Variants in SH3GL2 observed in about 807,000 individuals in gnomAD.
SH3GL2 encodes the protein endophilin-A1.
Under a neutral mutation model 46.0 loss-of-function variants are expected in SH3GL2, and 24 were observed. The observed-to-expected ratio is 0.52, with a 90% CI of 0.38 to 0.73. The LOEUF is 0.73. SH3GL2 is among the 30% of genes least tolerant of loss of function. SH3GL2 has a pLI of 0.00. For synonymous variants in SH3GL2, 196 were observed against 147.1 expected (o/e 1.33, Z -2.40); for missense variants, 413 against 424.2 (o/e 0.97, Z 0.23).
intron 1 of SH3GL2, among the ~76,000 whole-genome samples, chr9:17,657,824 A>G (rs1820125084): frequency 6.6e-6 from 1 of 152,214 alleles, no homozygotes; most frequent in Admixed American, 6.5e-5. Context: ...TCTGGCATAC[A>G]GTAAATATTA....
At chr9:17,780,346 A>G (rs1281853990) in intron 3 of SH3GL2, among the ~76,000 whole-genome samples, 3 of 151,826 alleles carry the variant, frequency 2.0e-5, no homozygotes, top group Non-Finnish European at 4.4e-5. Context: ...TATTTGTCCT[A>G]CTTCTTTCAT....
intron 1 of SH3GL2, among the ~76,000 whole-genome samples, chr9:17,692,261 ACAATG>A (rs1821100937): frequency 2.8e-5 from 4 of 145,366 alleles, no homozygotes. Flanking sequence ...GGAGTGGTAT[ACAATG>A]GTATTCTTAT....
At chr9:17,681,675 G>C (rs117100984) in intron 1 of SH3GL2, among the ~76,000 whole-genome samples, 1 of 152,034 alleles carries the variant, frequency 6.6e-6, no homozygotes. Context: ...GCCAAAAGCA[G>C]TTGCAACAAA....
In SH3GL2 at chr9:17,675,728, C is replaced by T. The variant is rs192922757; in HGVS notation, c.46-71338C>T. ...CTGAGAGGCCGAGGCGGGAGGATCACGAGGTCAGGAGATTGAGACCATCCT... is the reference window on the plus strand; with the variant it reads ...CTGAGAGGCCGAGGCGGGAGGATCATGAGGTCAGGAGATTGAGACCATCCT... On this transcript the variant is annotated intron_variant, in intron 1 of 8. Transcript: ENST00000380607. Among the ~76,000 whole-genome samples, 6 of 152,192 alleles carry T rather than the reference C, an allele frequency of 3.9e-5. 1 individual carries two copies. The highest frequency in any genetic ancestry group is 3.9e-4 in the East Asian group (2 of 5,152).
chr9:17,628,411 GGTGTGTGTGTGTGTGTGT>G (rs3084633), intron 1 of SH3GL2, among the ~76,000 whole-genome samples: 4 of 143,772 alleles, frequency 2.8e-5, no homozygotes, highest in East Asian at 2.1e-4. Flanking sequence ...CTATATCTTG[GGTGTGTGTGTGTGTGTGT>G]GTGTGTGTGT....
Position 17,694,678 on chromosome 9 carries a change from A to G in SH3GL2, c.46-52388A>G, listed in dbSNP as rs117726934. Among the ~76,000 whole-genome samples the G allele has an allele frequency of 4.5e-3, 684 of 152,254 alleles. 10 individuals carry two copies. Among genetic ancestry groups the G allele is most frequent in the East Asian group, 0.028 (144 of 5,172 alleles). On this transcript the variant is annotated intron_variant, in intron 1 of 8. Transcript: ENST00000380607. ...GAGGGTATGAATGTTGGAAATGAAC[A>G]TATTCACCTCTAAATAAAGTGAGAG...
chr9:17,663,897 T>C (rs910216581), intron 1 of SH3GL2, among the ~76,000 whole-genome samples: 17 of 152,208 alleles, frequency 1.1e-4, no homozygotes, highest in African/African-American at 3.9e-4. Context: ...CATGAACTTA[T>C]TGTTCTTTTT....
chr9:17,653,666 T>G (rs976037850), intron 1 of SH3GL2, among the ~76,000 whole-genome samples: 2 of 152,196 alleles, frequency 1.3e-5, no homozygotes, highest in Non-Finnish European at 2.9e-5. Context: ...AAAAGGTGAT[T>G]AGGCCATGAG....
chr9:17,686,549 A>G (rs1241830096), intron 1 of SH3GL2, among the ~76,000 whole-genome samples: 6 of 148,272 alleles, frequency 4.0e-5, no homozygotes, highest in African/African-American at 4.9e-5. Context: ...CAAATGTCCA[A>G]CAATGATAGA....
intron 2 of SH3GL2, among the ~76,000 whole-genome samples, chr9:17,752,262 T>A (rs139577555): frequency 6.2e-4 from 95 of 152,278 alleles, no homozygotes; most frequent in Non-Finnish European, 1.0e-3. Context: ...ACGGTTTTCA[T>A]CATGTCTCTG....
chr9:17,579,198 C>T lies in SH3GL2; in HGVS notation c.-45C>T. ...CGCTCGGCCCTCCAGTCCCCCTCCGCCTCCTCCCTCCCGCACAGCAGCCGC... is the reference window on the plus strand; with the variant it reads ...CGCTCGGCCCTCCAGTCCCCCTCCGTCTCCTCCCTCCCGCACAGCAGCCGC... On this transcript the variant is annotated 5_prime_UTR_variant, in exon 1 of 9. Coordinates refer to ENST00000380607, the MANE Select transcript of SH3GL2 (RefSeq NM_003026.5). 6.8e-7 allele frequency: 1 copy of T among 1,465,400 alleles called. No individual in the cohort carries two copies. The highest frequency in any genetic ancestry group is 9.2e-7 in the Non-Finnish European group (1 of 1,091,380). 90.8% of individuals were successfully genotyped at this position (1,465,400 alleles called of 1,614,324 possible).
intron 3 of SH3GL2, among the ~76,000 whole-genome samples, chr9:17,769,140 G>A (rs987339505): frequency 6.6e-6 from 1 of 152,118 alleles, no homozygotes; most frequent in African/African-American, 2.4e-5. Context: ...TAAAACATCA[G>A]CCCTTCTAAC....
At chr9:17,752,255 G>T (rs890847838) in intron 2 of SH3GL2, among the ~76,000 whole-genome samples, 2 of 152,028 alleles carry the variant, frequency 1.3e-5, no homozygotes, top group African/African-American at 4.8e-5. Flanking sequence ...CCAGGACACG[G>T]TTTTCATCAT....
At chr9:17,584,298 CAA>C (rs1404828255) in intron 1 of SH3GL2, among the ~76,000 whole-genome samples, 2 of 152,064 alleles carry the variant, frequency 1.3e-5, no homozygotes, top group African/African-American at 4.8e-5. Flanking sequence ...GTCAGGAGTT[CAA>C]AACCGGCTTT....
chr9:17,755,957 C>G (rs1822976662), intron 2 of SH3GL2: 1 of 166,224 alleles, frequency 6.0e-6, no homozygotes, highest in African/African-American at 2.4e-5. Context: ...TCTATAGATT[C>G]AGCATGGCAT....
At chr9:17,628,051 C>G (rs1265283909) in intron 1 of SH3GL2, among the ~76,000 whole-genome samples, 1 of 152,118 alleles carries the variant, frequency 6.6e-6, no homozygotes, top group Admixed American at 6.6e-5. Context: ...AGTGATTTCT[C>G]TTTTTTGCAG....
At chr9:17,682,055 C>G (rs999025280) in intron 1 of SH3GL2, among the ~76,000 whole-genome samples, 62 of 152,056 alleles carry the variant, frequency 4.1e-4, no homozygotes, top group Non-Finnish European at 2.1e-4. Context: ...ATTAAAAAGT[C>G]AAGAAACAAT....
intron 1 of SH3GL2, among the ~76,000 whole-genome samples, chr9:17,591,903 G>T (rs1455175161): frequency 1.3e-5 from 2 of 152,142 alleles, no homozygotes; most frequent in African/African-American, 4.8e-5. Context: ...TCATTCAGTT[G>T]TATCTTCATG....
At chr9:17,630,436 T>G (rs1408643275) in intron 1 of SH3GL2, 1 of 152,164 alleles carries the variant, frequency 6.6e-6, no homozygotes, top group Non-Finnish European at 1.5e-5. Context: ...TACATAAGTG[T>G]TTTTCACCTT....
Sources: gnomAD v4.1 joint callset for allele counts (sites outside exome capture counted in the v4.1 genomes callset) on GRCh38, gnomAD v4.1.1 for gene constraint, MANE v1.5 for transcripts, NCBI Gene and HGNC (gene_info 2026-07-23, HGNC 2026-07-21) for gene names.